Variants in EML6 observed in about 807,000 individuals in gnomAD.
EML6 encodes the protein echinoderm microtubule-associated protein-like 6.
A neutral mutation model predicts 240.1 loss-of-function variants in EML6; 154 were observed. The observed-to-expected ratio is 0.64, with a 90% confidence interval of 0.56 to 0.73. The LOEUF (loss-of-function observed/expected upper bound fraction) is 0.73. EML6 is among the 30% of genes least tolerant of loss of function. The pLI, the probability that EML6 is intolerant of heterozygous loss-of-function variation, is 0.00. For synonymous variants in EML6, 1,148 were observed against 899.0 expected (o/e 1.28, Z -4.95); for missense variants, 2,964 against 2,474.6 (o/e 1.20, Z -4.20).
At chr2:54,758,616 T>A (rs1667843394) in intron 2 of EML6, among the ~76,000 whole-genome samples, 1 of 152,210 alleles carries the variant, frequency 6.6e-6, no homozygotes, top group Admixed American at 6.5e-5. Context: ...CTGTAGTATA[T>A]CATCCATTTG....
At chr2:54,953,231 C>G (rs554647555) in intron 31 of EML6, among the ~76,000 whole-genome samples, 1 of 152,138 alleles carries the variant, frequency 6.6e-6, no homozygotes, top group Non-Finnish European at 1.5e-5. Context: ...CTGTTGGAAA[C>G]GTGACTTATT....
intron 9 of EML6, among the ~76,000 whole-genome samples, chr2:54,849,596 C>T (rs906577403): frequency 7.9e-5 from 12 of 152,218 alleles, no homozygotes; most frequent in African/African-American, 2.2e-4. Context: ...TCACGCCATT[C>T]TCCTGCCTCA....
chr2:54,948,259 A>G (rs1378197517), intron 28 of EML6, among the ~76,000 whole-genome samples: 1 of 152,206 alleles, frequency 6.6e-6, no homozygotes, highest in African/African-American at 2.4e-5. Flanking sequence ...TTGGTGTGGT[A>G]GCAGCTGAAT....
Position 54,833,347 on chromosome 2 carries a change from T to G in EML6, c.847+3870T>G, listed in dbSNP as rs192533248. On this transcript the variant is annotated intron_variant, in intron 7 of 41. Coordinates refer to ENST00000356458, the MANE Select transcript of EML6 (RefSeq NM_001039753.4). ...GCAAGATTGGCATACATTTGCATCTTCTAATAACTATTAACTGTTAGCCAT... is the reference window on the plus strand; with the variant it reads ...GCAAGATTGGCATACATTTGCATCTGCTAATAACTATTAACTGTTAGCCAT... 2.4e-3 allele frequency among the ~76,000 whole-genome samples: 373 copies of G among 152,334 alleles called. 3 individuals are homozygous for G. Among genetic ancestry groups the G allele is most frequent in the African/African-American group, 8.7e-3 (360 of 41,580 alleles).
intron 32 of EML6, among the ~76,000 whole-genome samples, chr2:54,955,409 C>T (rs918756930): frequency 6.6e-6 from 1 of 152,130 alleles, no homozygotes; most frequent in Non-Finnish European, 1.5e-5. Flanking sequence ...TTTCAAGGAC[C>T]CCTTGAATAC....
intron 4 of EML6, 73 bp downstream of exon 4, chr2:54,816,958 C>T (rs750264327): frequency 8.6e-5 from 77 of 899,650 alleles, no homozygotes; most frequent in Non-Finnish European, 1.4e-4. Context: ...TCTCAGACTT[C>T]TAATGTTTTT....
At chr2:54,962,839 G>A (rs78155633) in intron 36 of EML6, 128 bp downstream of exon 36, 1 of 646,022 alleles carries the variant, frequency 1.5e-6, no homozygotes, top group Non-Finnish European at 2.4e-6. Flanking sequence ...GATCGAGTTA[G>A]AAAACCTAAC....
chr2:54,965,487 C>T (rs969794382), intron 38 of EML6, among the ~76,000 whole-genome samples: 25 of 152,184 alleles, frequency 1.6e-4, no homozygotes, highest in African/African-American at 5.3e-4. Context: ...GAGTAATTCA[C>T]GCAGAGCTGG....
chr2:54,968,938 A>C (rs995793727), intron 41 of EML6, among the ~76,000 whole-genome samples, 170 bp downstream of exon 41: 5 of 152,222 alleles, frequency 3.3e-5, no homozygotes, highest in South Asian at 2.1e-4. Flanking sequence ...TTCCAAGATA[A>C]GGCATTTACT....
At chr2:54,764,814 A>G (rs946896316) in intron 2 of EML6, among the ~76,000 whole-genome samples, 2 of 152,206 alleles carry the variant, frequency 1.3e-5, no homozygotes, top group Admixed American at 6.5e-5. Flanking sequence ...TGGTATATGC[A>G]TGGTAGGAGA....
intron 32 of EML6, among the ~76,000 whole-genome samples, chr2:54,957,294 T>G (rs1438781414): frequency 1.0e-5 from 1 of 96,574 alleles, no homozygotes; most frequent in Non-Finnish European, 2.1e-5. Context: ...AATTTAAACC[T>G]AAACACCACA....
intron 24 of EML6, among the ~76,000 whole-genome samples, chr2:54,905,466 T>C (rs78860519): frequency 0.025 from 3,775 of 150,986 alleles, 69 homozygotes; most frequent in Non-Finnish European, 0.032. Flanking sequence ...GAGTGAAGAG[T>C]CCAGAGAAAA....
chr2:54,970,094 A>T lies in EML6; in HGVS notation c.5876A>T (p.Ter1959LeuextTer62). Reference protein sequence around the residue: ...DCSVFVWRCL* With the variant: ...DCSVFVWRCLL ...AGTGTATTTGTGTGGCGATGTCTGT[A>T]AAATGCCAGAAGCCTCTTATGTTAT... Residue 1959 changes from the stop codon to leucine (L), a stop_lost, in exon 42 of 42, where the codon TAA becomes TTA. Transcript: ENST00000356458. 1 of 1,551,694 alleles carries T rather than the reference A, an allele frequency of 6.4e-7. No individual in the cohort carries two copies. Among genetic ancestry groups the T allele is most frequent in the Non-Finnish European group, 8.7e-7 (1 of 1,146,960 alleles).
rs1230805338 is a variant in EML6 at position 54,970,175 on chromosome 2, C to A, written c.*80C>A. 3 of 1,413,990 alleles carry A rather than the reference C, an allele frequency of 2.1e-6. No homozygotes were observed. The East Asian group carries it at 7.4e-5, about 35-fold the overall frequency. The allele number at this position is 1,413,990 out of a possible 1,614,324, so 87.6% of individuals were successfully genotyped here. A position where few individuals can be genotyped will look rare whatever the true frequency, so the allele number is the denominator to read the frequency against. On this transcript the variant is annotated 3_prime_UTR_variant, in exon 42 of 42. Coordinates refer to ENST00000356458, the MANE Select transcript of EML6 (RefSeq NM_001039753.4). ...GAGGCCATGCTGAGGTGCCTCCTTG[C>A]CACCAGCCGTTGGGAAATGCCTACC...
chr2:54,828,151 C>G (rs12618178), intron 6 of EML6, among the ~76,000 whole-genome samples: 1 of 152,086 alleles, frequency 6.6e-6, no homozygotes, highest in African/African-American at 2.4e-5. Context: ...ATAGTTTGAA[C>G]AGGAAAGGTG....
rs372055190 is a variant in EML6, at chr2:54,831,005, C to T, written c.847+1528C>T. Among the ~76,000 whole-genome samples the T allele has an allele frequency of 3.3e-5, 5 of 152,052 alleles. No individual in the cohort carries two copies. In the East Asian group the frequency reaches 5.8e-4, roughly 18 times the overall value. ...AAGTTCTCTGCCATAGAGTGTGGGC[C>T]AGGGAAACTTGATCCGGAAAAAACA... is the stretch of plus-strand genomic sequence containing the variant. On this transcript the variant is annotated intron_variant, in intron 7 of 41. Transcript: ENST00000356458.
chr2:54,830,800 T>C (rs1668831484), intron 7 of EML6, among the ~76,000 whole-genome samples: 1 of 152,224 alleles, frequency 6.6e-6, no homozygotes, highest in African/African-American at 2.4e-5. Flanking sequence ...GCTTTATGTA[T>C]CTGTGAAATA....
chr2:54,934,095 G>GT (rs1431252673), intron 28 of EML6, among the ~76,000 whole-genome samples: 4 of 152,142 alleles, frequency 2.6e-5, no homozygotes, highest in Non-Finnish European at 4.4e-5. Flanking sequence ...CCCTAGCCGT[G>GT]TGCGAGTATT....
intron 32 of EML6, among the ~76,000 whole-genome samples, chr2:54,955,028 C>A (rs1463437568): frequency 6.6e-6 from 1 of 152,182 alleles, no homozygotes; most frequent in Non-Finnish European, 1.5e-5. Context: ...AAGTTCCAGT[C>A]ACTCCTGAGC....
Sources: gnomAD v4.1 joint callset for allele counts (sites outside exome capture counted in the v4.1 genomes callset) on GRCh38, gnomAD v4.1.1 for gene constraint, MANE v1.5 for transcripts, NCBI Gene and HGNC (gene_info 2026-07-23, HGNC 2026-07-21) for gene names.